Variants in TGFB1 observed in about 807,000 individuals in gnomAD.
The protein encoded by TGFB1 is transforming growth factor beta-1 proprotein.
In TGFB1, 19 loss-of-function variants were observed where a neutral mutation model predicts 43.8. The observed-to-expected ratio is 0.43, with a 90% CI of 0.30 to 0.64. The LOEUF (loss-of-function observed/expected upper bound fraction) is 0.64, where lower values mean the gene tolerates loss of function less well. Ranked by LOEUF, TGFB1 falls within the 30% of genes least tolerant of loss-of-function variation. TGFB1 has a pLI of 0.11. For synonymous variants in TGFB1, 221 were observed against 236.3 expected (o/e 0.94, Z 0.60); for missense variants, 445 against 529.8 (o/e 0.84, Z 1.57).
chr19:41,340,269 TTTTTTTA>T (rs2123095180), intron 5 of TGFB1, among the ~76,000 whole-genome samples: 1 of 107,588 alleles, frequency 9.3e-6, no homozygotes, highest in South Asian at 3.1e-4. Context: ...TTTTTTTTTT[TTTTTTTA>T]GATGGAGTCT....
intron 5 of TGFB1, among the ~76,000 whole-genome samples, chr19:41,336,953 A>ATT (rs56403763): frequency 1.7e-4 from 24 of 141,072 alleles, no homozygotes; most frequent in Non-Finnish European, 2.9e-4. Context: ...GTCTCTTAGG[A>ATT]TTTTTTTTTT....
At chr19:41,345,640 G>A (rs895069013) in intron 2 of TGFB1, among the ~76,000 whole-genome samples, 5 of 151,924 alleles carry the variant, frequency 3.3e-5, no homozygotes, top group African/African-American at 9.7e-5. Flanking sequence ...GGTGGCTCAC[G>A]CCTGTTATCC....
intron 1 of TGFB1, among the ~76,000 whole-genome samples, chr19:41,352,115 C>G (rs932216345): frequency 3.3e-5 from 5 of 152,044 alleles, no homozygotes; most frequent in African/African-American, 1.2e-4. Flanking sequence ...GACTCTCCCC[C>G]ACCCCCGCAT....
chr19:41,331,283 C>G lies in TGFB1; in HGVS notation c.1015-73G>C, dbSNP rs987410076. 9.6e-5 allele frequency: 136 copies of G among 1,421,242 alleles called. No individual in the cohort carries two copies. In the African/African-American group the frequency reaches 1.9e-3, roughly 20 times the overall value. 88.0% of individuals were successfully genotyped at this position (1,421,242 alleles called of 1,614,324 possible). ...AAACGGCCCTCCACTGCCCCATCCCCCACCCGCTACCGCGCCAGCCTCTCT... is the reference window on the plus strand; with the variant it reads ...AAACGGCCCTCCACTGCCCCATCCCGCACCCGCTACCGCGCCAGCCTCTCT... On this transcript the variant is annotated intron_variant, in intron 6 of 6. Transcript: ENST00000221930.
intron 2 of TGFB1, among the ~76,000 whole-genome samples, chr19:41,348,055 C>A (rs1352841299): frequency 6.6e-6 from 1 of 151,922 alleles, no homozygotes; most frequent in Non-Finnish European, 1.5e-5. Flanking sequence ...TCACTGGAAC[C>A]CAGGAGGCGG....
Position 41,330,766 on chromosome 19 carries a change from C to A in TGFB1, c.*286G>T. 2.3e-6 allele frequency: 1 copy of A among 426,248 alleles called. No homozygotes were observed. The highest frequency in any genetic ancestry group is 4.3e-5 in the Admixed American group (1 of 23,454). The allele number at this position is 426,248 out of a possible 1,614,324, so 26.4% of individuals were successfully genotyped here. Reference sequence around the variant, plus strand: ...AAATAGATCTAACTACAGTAGTGTTCCCCACTGGTCCCCTGTGCCTTGATG... The same window carrying A: ...AAATAGATCTAACTACAGTAGTGTTACCCACTGGTCCCCTGTGCCTTGATG... On this transcript the variant is annotated 3_prime_UTR_variant, in exon 7 of 7. Transcript: ENST00000221930.
At position 41,348,574 on chromosome 19, in the gene TGFB1, CTTTT is replaced by C. The variant is rs1401223697; in HGVS notation, c.356-123_356-120del. 5.4e-4 allele frequency: 246 copies of C among 458,000 alleles called. 1 individual carries two copies. The highest frequency in any genetic ancestry group is 9.7e-4 in the African/African-American group (42 of 43,376). 28.4% of individuals were successfully genotyped at this position (458,000 alleles called of 1,614,324 possible). A position where few individuals can be genotyped will look rare whatever the true frequency, so the allele number is the denominator to read the frequency against. ...CTGGGGTGGAGTCAGTCTCTGATAC[CTTTT>C]ATTTATTTATTTATTTATTTATTTA... On this transcript the variant is annotated intron_variant, in intron 1 of 6. Coordinates refer to ENST00000221930, the MANE Select transcript of TGFB1 (RefSeq NM_000660.7).
chr19:41,340,765 T>G (rs1316391123), intron 5 of TGFB1, among the ~76,000 whole-genome samples: 1 of 152,176 alleles, frequency 6.6e-6, no homozygotes, highest in Non-Finnish European at 1.5e-5. Flanking sequence ...CTGCCAACAC[T>G]GGTATCCACA....
intron 5 of TGFB1, among the ~76,000 whole-genome samples, chr19:41,340,339 C>T (rs2038041718): frequency 6.6e-6 from 1 of 151,042 alleles, no homozygotes; most frequent in Non-Finnish European, 1.5e-5. Flanking sequence ...TCACTGCAAC[C>T]TCCACCCCCG....
chr19:41,351,804 T>TGGCGGGGCTCGCTGCTC (rs61023216), intron 1 of TGFB1, among the ~76,000 whole-genome samples: 1 of 151,414 alleles, frequency 6.6e-6, no homozygotes, highest in African/African-American at 2.4e-5. Context: ...CTGCGGGGAA[T>TGGCGGGGCTCGCTGCTC]GCAGCGTGGA....
chr19:41,338,133 A>G (rs2123090609), intron 5 of TGFB1, among the ~76,000 whole-genome samples: 1 of 152,030 alleles, frequency 6.6e-6, no homozygotes, highest in South Asian at 2.1e-4. Context: ...CGGAGGTTGC[A>G]GTGAGCTGAG....
chr19:41,351,552 G>T (rs2038194914), intron 1 of TGFB1, among the ~76,000 whole-genome samples: 1 of 152,174 alleles, frequency 6.6e-6, no homozygotes, highest in South Asian at 2.1e-4. Flanking sequence ...GCCGCCGGAC[G>T]CTGGGGTTTC....
At chr19:41,350,760 GC>G in intron 1 of TGFB1, 1 of 152,376 alleles carries the variant, frequency 6.6e-6, no homozygotes, top group East Asian at 1.9e-4. Flanking sequence ...CTCCCCTACG[GC>G]CCCCTTCGAT....
chr19:41,342,308 A>C, intron 3 of TGFB1, 61 bp from the exon 4 acceptor site: 1 of 1,535,688 alleles, frequency 6.5e-7, no homozygotes. Context: ...CCCTGGAGGA[A>C]GAGGAAGGAA....
Position 41,331,191 on chromosome 19 carries a change from T to C in TGFB1, c.1034A>G (p.Gln345Arg). Residue 345 changes from glutamine (Q) to arginine (R), a missense_variant, in exon 7 of 7, where the codon CAG (glutamine) becomes CGG (arginine). By Grantham distance (43) the Gln-to-Arg change is conservative (BLOSUM62 1). This residue lies in a region of TGFB1 where 23 missense variants were observed against 54.1 expected (regional missense o/e 0.42). Transcript: ENST00000221930. ...CGCCGCCGAGGCGCCCGGGTTATGC[T>C]GGTTGTACAGGGCCAGGACCTGCGG... ...QYSKVLALYN[Q>R]HNPGASAAPC... The C allele has an allele frequency of 6.5e-7, 1 of 1,541,256 alleles. No individual in the cohort carries two copies. The highest frequency in any genetic ancestry group is 8.7e-7 in the Non-Finnish European group (1 of 1,145,776).
intron 5 of TGFB1, among the ~76,000 whole-genome samples, chr19:41,336,843 A>G (rs138893217): frequency 3.9e-5 from 6 of 152,298 alleles, no homozygotes; most frequent in African/African-American, 1.4e-4. Context: ...ATATCTAGAC[A>G]GAGTTCACAT....
chr19:41,335,969 C>T (rs1303689533), intron 5 of TGFB1, among the ~76,000 whole-genome samples: 1 of 151,304 alleles, frequency 6.6e-6, no homozygotes. Context: ...TTCGAGCTGC[C>T]TTAAGAACAA....
In TGFB1 at chr19:41,353,040, G is replaced by A. The variant is rs1371023201; in HGVS notation, c.5C>T (p.Pro2Leu). Residue 2 changes from proline to leucine, a missense_variant, in exon 1 of 7, where the codon CCG becomes CTG. Coordinates refer to ENST00000221930, the MANE Select transcript of TGFB1 (RefSeq NM_000660.7). This position sits in a 1 kb window ranked among gnomAD's most constrained non-coding sequence, Gnocchi z 5.9. M[P>L]PSGLRLLPLL... The stretch of plus-strand genomic sequence containing the variant: ...CGGCAGCAGCCGCAGCCCGGAGGGC[G>A]GCATGGGGGAGGCGGCGCCCCCCGG... 1 of 1,527,154 alleles carries A rather than the reference G, an allele frequency of 6.5e-7. No homozygotes were observed. The highest frequency in any genetic ancestry group is 1.2e-5 in the South Asian group (1 of 83,386). The allele number at this position is 1,527,154 out of a possible 1,614,324, so 94.6% of individuals were successfully genotyped here. A position where few individuals can be genotyped will look rare whatever the true frequency, so the allele number is the denominator to read the frequency against.
intron 5 of TGFB1, among the ~76,000 whole-genome samples, chr19:41,340,955 G>A (rs1462510821): frequency 6.6e-6 from 1 of 152,148 alleles, no homozygotes; most frequent in Non-Finnish European, 1.5e-5. Context: ...ACAATTTAGG[G>A]ATTCAAGATG....
Sources: allele counts gnomAD v4.1 joint callset (sites outside exome capture counted in the v4.1 genomes callset), GRCh38; gene constraint gnomAD v4.1.1; regional missense constraint gnomAD v4.1.1; non-coding constraint Gnocchi (gnomAD v3.1); transcripts MANE v1.5; gene names NCBI Gene and HGNC (gene_info 2026-07-23, HGNC 2026-07-21).